Variants in DBT observed in about 807,000 individuals in gnomAD.
DBT encodes lipoamide acyltransferase component of branched-chain alpha-keto acid dehydrogenase complex, mitochondrial.
A neutral mutation model predicts 51.3 loss-of-function variants in DBT; 40 were observed. That is an observed-to-expected ratio of 0.78 (90% confidence interval 0.61 to 1.02). DBT has a LOEUF of 1.02. Ranked by LOEUF, DBT falls within the 50% of genes least tolerant of loss-of-function variation. DBT has a pLI of 0.00. For missense variants in DBT, 510 were observed against 580.2 expected (o/e 0.88, Z 1.24); for synonymous variants, 181 against 190.4 (o/e 0.95, Z 0.41).
In DBT at chr1:100,195,481, T is replaced by C. The variant is rs1346110863; in HGVS notation, c.*774A>G. ...GAGCAAGAATATACTCTTGGATATC[T>C]CAAAAGAGAAGTATAATTGCACTTA... On this transcript the variant is annotated 3_prime_UTR_variant, in exon 11 of 11. Transcript: ENST00000370132. The C allele has an allele frequency of 6.6e-6, 1 of 152,350 alleles. No individual in the cohort carries two copies. Among genetic ancestry groups the C allele is most frequent in the African/African-American group, 2.4e-5 (1 of 41,448 alleles). The allele number at this position is 152,350 out of a possible 1,614,324, so 9.4% of individuals were successfully genotyped here.
chr1:100,199,213 C>G (rs1004380622), intron 10 of DBT, among the ~76,000 whole-genome samples: 1 of 152,020 alleles, frequency 6.6e-6, no homozygotes, highest in Admixed American at 6.6e-5. Flanking sequence ...CCATGGTCAC[C>G]GATCACCTTT....
chr1:100,196,151 C>T lies in DBT; in HGVS notation c.*104G>A. On this transcript the variant is annotated 3_prime_UTR_variant, in exon 11 of 11. Transcript: ENST00000370132. ...GCCTTAGATCCTTAATCATACGATA[C>T]AAATCATTTACAATATAAATTGTAA... 1 of 1,023,644 alleles carries T rather than the reference C, an allele frequency of 9.8e-7. No homozygotes were observed. The highest frequency in any genetic ancestry group is 1.3e-5 in the South Asian group (1 of 76,182). 63.4% of individuals were successfully genotyped at this position (1,023,644 alleles called of 1,614,324 possible).
intron 7 of DBT, 149 bp downstream of exon 7, chr1:100,214,668 T>C: frequency 1.3e-6 from 1 of 758,746 alleles, no homozygotes; most frequent in Admixed American, 2.0e-5. Context: ...GCAAGAGAAT[T>C]GTTTAAACCC....
chr1:100,213,336 A>T, intron 7 of DBT: 1 of 1,520,198 alleles, frequency 6.6e-7, no homozygotes, highest in Non-Finnish European at 8.8e-7. Flanking sequence ...CCCGCCTACA[A>T]CCTGGAGGCC....
In DBT at chr1:100,194,364, G is replaced by A. The variant is rs1159276009; in HGVS notation, c.*1891C>T. 2.7e-5 allele frequency: 4 copies of A among 149,982 alleles called. No individual in the cohort carries two copies. The highest frequency in any genetic ancestry group is 9.8e-5 in the African/African-American group (4 of 40,616). The allele number at this position is 149,982 out of a possible 1,614,324, so 9.3% of individuals were successfully genotyped here. A position where few individuals can be genotyped will look rare whatever the true frequency, so the allele number is the denominator to read the frequency against. On this transcript the variant is annotated 3_prime_UTR_variant, in exon 11 of 11. Transcript: ENST00000370132. ...TTTTTTTTTTTTTTTCTGAGACAAA[G>A]TGTTGCTCTGCCACCCAGGCTGGAG...
rs1660691579 is a variant in DBT, at chr1:100,188,947, G to A, written c.*7308C>T. On this transcript the variant is annotated 3_prime_UTR_variant, in exon 11 of 11. Coordinates refer to ENST00000370132, the MANE Select transcript of DBT (RefSeq NM_001918.5). Reference sequence around the variant, plus strand: ...AGCCTTTGTGCTCAGTACTGAGACTGCCACATAATGAATTTTCATTTCCAT... The same window carrying A: ...AGCCTTTGTGCTCAGTACTGAGACTACCACATAATGAATTTTCATTTCCAT... The A allele has an allele frequency of 1.3e-5, 2 of 152,214 alleles. No homozygotes were observed. Among genetic ancestry groups the A allele is most frequent in the African/African-American group, 4.8e-5 (2 of 41,454 alleles). 9.4% of individuals were successfully genotyped at this position (152,214 alleles called of 1,614,324 possible).
intron 1 of DBT, among the ~76,000 whole-genome samples, chr1:100,245,264 G>A (rs1317214398): frequency 6.6e-6 from 1 of 150,700 alleles, no homozygotes; most frequent in Admixed American, 6.6e-5. Context: ...TGCCCAGGAT[G>A]GTCTTAAACT....
chr1:100,197,872 A>C (rs1204802040), intron 10 of DBT, among the ~76,000 whole-genome samples: 1 of 152,206 alleles, frequency 6.6e-6, no homozygotes, highest in African/African-American at 2.4e-5. Context: ...TAATGAAAAC[A>C]AAATAGCAAA....
chr1:100,204,038 G>T (rs1303884230), intron 10 of DBT, among the ~76,000 whole-genome samples: 1 of 152,100 alleles, frequency 6.6e-6, no homozygotes, highest in Non-Finnish European at 1.5e-5. Context: ...CTGAAAACTG[G>T]CACAAGACAA....
intron 8 of DBT, 70 bp downstream of exon 8, chr1:100,210,624 C>T: frequency 6.2e-7 from 1 of 1,602,912 alleles, no homozygotes; most frequent in Non-Finnish European, 8.5e-7. Context: ...CAATAGAAGT[C>T]TCTAATCTAC....
chr1:100,218,870 T>C (rs1331380211), intron 4 of DBT, 123 bp from the exon 5 acceptor site: 10 of 699,828 alleles, frequency 1.4e-5, no homozygotes, highest in Non-Finnish European at 2.3e-5. Flanking sequence ...ATAGTCTAAA[T>C]GTATAAAAGT....
At chr1:100,198,253 T>C (rs565666686) in intron 10 of DBT, among the ~76,000 whole-genome samples, 93 of 152,294 alleles carry the variant, frequency 6.1e-4, no homozygotes, top group Middle Eastern at 3.4e-3. Flanking sequence ...GGACAAATAC[T>C]GTATGATTCC....
Position 100,214,984 on chromosome 1 carries a change from C to G in DBT, c.773-1G>C. The G allele has an allele frequency of 2.5e-6, 4 of 1,600,746 alleles. No individual in the cohort carries two copies. Among genetic ancestry groups the G allele is most frequent in the Non-Finnish European group, 3.4e-6 (4 of 1,168,432 alleles). On this transcript the variant is annotated splice_acceptor_variant, in intron 6 of 10. Transcript: ENST00000370132. LOFTEE classifies it high-confidence loss of function. ...GTCTTGACCATTGCTTTTTGAAAGC[C>G]TGAAAAGCATTAAATTGTTATTCAT...
intron 2 of DBT, among the ~76,000 whole-genome samples, chr1:100,238,164 C>T (rs74191883): frequency 1.5e-4 from 3 of 19,524 alleles, no homozygotes; most frequent in Non-Finnish European, 4.9e-4. Flanking sequence ...TTCCCTCCTT[C>T]CTCCCTCGCT....
rs1661036923 is a variant in DBT, at chr1:100,195,517, C to T, written c.*738G>A. ...GTATAATTGCACTTATTTCATACAA[C>T]AATTAGCATAATAACGGAAATGGAA... On this transcript the variant is annotated 3_prime_UTR_variant, in exon 11 of 11. Transcript: ENST00000370132. 6.6e-6 allele frequency: 1 copy of T among 152,156 alleles called. No individual in the cohort carries two copies. The highest frequency in any genetic ancestry group is 2.4e-5 in the African/African-American group (1 of 41,394). 9.4% of individuals were successfully genotyped at this position (152,156 alleles called of 1,614,324 possible).
chr1:100,218,164 TTTC>T (rs1464566824), intron 5 of DBT, among the ~76,000 whole-genome samples: 1 of 152,186 alleles, frequency 6.6e-6, no homozygotes, highest in African/African-American at 2.4e-5. Flanking sequence ...GGCCAGAGTC[TTTC>T]TTTTTTTACT....
At chr1:100,220,038 A>G (rs1662759053) in intron 4 of DBT, among the ~76,000 whole-genome samples, 1 of 152,002 alleles carries the variant, frequency 6.6e-6, no homozygotes, top group Non-Finnish European at 1.5e-5. Flanking sequence ...CCAGCTACTC[A>G]GGAGGCTGAA....
At chr1:100,205,068 A>G (rs562624017) in intron 10 of DBT, among the ~76,000 whole-genome samples, 1 of 152,342 alleles carries the variant, frequency 6.6e-6, no homozygotes, top group African/African-American at 2.4e-5. Context: ...TGACTAAATC[A>G]CCAAAAGCAA....
intron 7 of DBT, chr1:100,211,193 T>G: frequency 2.6e-6 from 2 of 756,824 alleles, no homozygotes; most frequent in Non-Finnish European, 4.9e-6. Context: ...TAACGAGGAT[T>G]TCAAAGCGCA....
Sources: allele counts gnomAD v4.1 joint callset (sites outside exome capture counted in the v4.1 genomes callset), GRCh38; gene constraint gnomAD v4.1.1; transcripts MANE v1.5; gene names NCBI Gene and HGNC (gene_info 2026-07-23, HGNC 2026-07-21).